The following NCOA2 variants were observed in gnomAD, a reference collection of about 807,000 sequenced individuals.
The protein encoded by NCOA2 is nuclear receptor coactivator 2.
A neutral mutation model predicts 145.1 loss-of-function variants in NCOA2; 21 were observed. The observed-to-expected ratio is 0.14, with a 90% CI of 0.10 to 0.21. The LOEUF is 0.21. NCOA2 is among the 10% of genes least tolerant of loss of function. The pLI, the probability that NCOA2 is intolerant of heterozygous loss-of-function variation, is 1.00. For missense variants in NCOA2, 1,472 were observed against 1,837.6 expected (o/e 0.80, Z 3.64); for synonymous variants, 619 against 637.5 (o/e 0.97, Z 0.44).
intron 1 of NCOA2, among the ~76,000 whole-genome samples, chr8:70,377,062 G>GT (rs921582255): frequency 2.4e-5 from 3 of 125,526 alleles, no homozygotes; most frequent in African/African-American, 1.4e-4. Flanking sequence ...CTTATACGTT[G>GT]TGTTTTTTTT....
At chr8:70,442,340 TC>T in the NCOA2 span, among the ~76,000 whole-genome samples, 2 of 152,170 alleles carry the variant, frequency 1.3e-5, no homozygotes, top group Non-Finnish European at 2.9e-5. Context: ...TTTACCAACT[TC>T]CTCAGGTTAT....
intron 4 of NCOA2, among the ~76,000 whole-genome samples, chr8:70,185,458 A>T (rs1815958843): frequency 6.6e-6 from 1 of 152,196 alleles, no homozygotes; most frequent in South Asian, 2.1e-4. Context: ...GGCTCTGGCC[A>T]AGCAATGAAG....
chr8:70,445,613 C>T, the NCOA2 span, among the ~76,000 whole-genome samples: 1 of 152,172 alleles, frequency 6.6e-6, no homozygotes, highest in Non-Finnish European at 1.5e-5. Context: ...CGCCTCTGGC[C>T]TCTCCACACT....
intron 1 of NCOA2, among the ~76,000 whole-genome samples, chr8:70,391,209 C>T (rs1364238145): frequency 2.6e-5 from 4 of 152,060 alleles, no homozygotes; most frequent in Admixed American, 2.0e-4. Context: ...ACTATTGCTC[C>T]GAAAAGCTCC....
At chr8:70,436,276 G>C in the NCOA2 span, among the ~76,000 whole-genome samples, 1 of 152,122 alleles carries the variant, frequency 6.6e-6, no homozygotes, top group Non-Finnish European at 1.5e-5. Flanking sequence ...TTGGTAGACT[G>C]TTCAACTAAA....
chr8:70,202,193 T>C lies in NCOA2; in HGVS notation c.259+11710A>G, dbSNP rs374328079. Among the ~76,000 whole-genome samples the C allele has an allele frequency of 5.3e-5, 8 of 152,110 alleles. No homozygotes were observed. In the East Asian group the frequency reaches 1.5e-3, roughly 29 times the overall value. On this transcript the variant is annotated intron_variant, in intron 4 of 22. Transcript: ENST00000452400. ...CAAAACCACCCCCAGAGAGTAAGTG[T>C]TGGTGAGAGTATGGGAAAATGGAAA...
intron 2 of NCOA2, among the ~76,000 whole-genome samples, chr8:70,226,539 G>T (rs1442666520): frequency 6.6e-6 from 1 of 151,816 alleles, no homozygotes; most frequent in Non-Finnish European, 1.5e-5. Flanking sequence ...TCATTTTACT[G>T]GTATTAGCAA....
At chr8:70,279,588 G>A (rs1825725275) in intron 2 of NCOA2, among the ~76,000 whole-genome samples, 1 of 152,204 alleles carries the variant, frequency 6.6e-6, no homozygotes, top group South Asian at 2.1e-4. Context: ...TTCATGATGA[G>A]ACTAATATCC....
At chr8:70,338,493 G>A (rs534723079) in intron 1 of NCOA2, among the ~76,000 whole-genome samples, 2 of 152,090 alleles carry the variant, frequency 1.3e-5, no homozygotes, top group Non-Finnish European at 2.9e-5. Flanking sequence ...ATTCACAGCT[G>A]AATTCTATCA....
In NCOA2 at chr8:70,131,830, C is replaced by T. The variant is rs1302177747; in HGVS notation, c.3324+7G>A. 12 of 1,580,394 alleles carry T rather than the reference C, an allele frequency of 7.6e-6. No homozygotes were observed. The highest frequency in any genetic ancestry group is 7.3e-5 in the Admixed American group (4 of 55,102). On this transcript the variant is annotated splice_region_variant and intron_variant, in intron 16 of 22. Transcript: ENST00000452400. Reference sequence around the variant, plus strand: ...TTGGCCCCCACCTGCTGCCCTTCCGCGCATACCTGGCTGACCAGTTCGGGT... The same window carrying T: ...TTGGCCCCCACCTGCTGCCCTTCCGTGCATACCTGGCTGACCAGTTCGGGT...
chr8:70,265,849 T>A (rs1433019859), intron 2 of NCOA2, among the ~76,000 whole-genome samples: 1 of 152,140 alleles, frequency 6.6e-6, no homozygotes, highest in Non-Finnish European at 1.5e-5. Flanking sequence ...TTTGTTTTTT[T>A]AAAGAGACAG....
At chr8:70,211,750 G>A (rs530735821) in intron 4 of NCOA2, among the ~76,000 whole-genome samples, 4 of 152,180 alleles carry the variant, frequency 2.6e-5, no homozygotes, top group African/African-American at 4.8e-5. Context: ...AAGACTATTC[G>A]GAAAATATCA....
At chr8:70,437,862 A>G in the NCOA2 span, among the ~76,000 whole-genome samples, 1 of 152,216 alleles carries the variant, frequency 6.6e-6, no homozygotes, top group Non-Finnish European at 1.5e-5. Flanking sequence ...TACATGTAAC[A>G]GTTGTATTTT....
chr8:70,146,677 G>GAATT (rs1376672757), intron 12 of NCOA2, among the ~76,000 whole-genome samples: 1 of 151,872 alleles, frequency 6.6e-6, no homozygotes, highest in African/African-American at 2.4e-5. Context: ...TAGGGCTAAT[G>GAATT]AGCATGGACT....
At chr8:70,344,416 C>G (rs1299257592) in intron 1 of NCOA2, among the ~76,000 whole-genome samples, 1 of 152,242 alleles carries the variant, frequency 6.6e-6, no homozygotes, top group Non-Finnish European at 1.5e-5. Context: ...CCTTCTGCCT[C>G]TCTTTCAATT....
intron 2 of NCOA2, among the ~76,000 whole-genome samples, chr8:70,266,645 T>G (rs943167630): frequency 6.6e-6 from 1 of 152,172 alleles, no homozygotes; most frequent in Non-Finnish European, 1.5e-5. Flanking sequence ...TCTCACAGTA[T>G]CTAAATTTTA....
At chr8:70,145,673 T>C (rs1414117854) in intron 12 of NCOA2, among the ~76,000 whole-genome samples, 1 of 149,936 alleles carries the variant, frequency 6.7e-6, no homozygotes, top group Non-Finnish European at 1.5e-5. Context: ...AGCTGGAGTG[T>C]AGCAGCACAA....
At chr8:70,191,973 C>G (rs1816738306) in intron 4 of NCOA2, among the ~76,000 whole-genome samples, 1 of 152,116 alleles carries the variant, frequency 6.6e-6, no homozygotes, top group Admixed American at 6.5e-5. Flanking sequence ...ACCTGGGAGG[C>G]AGAGGCTGCA....
chr8:70,310,422 G>C (rs1264968514), intron 1 of NCOA2, among the ~76,000 whole-genome samples: 1 of 150,612 alleles, frequency 6.6e-6, no homozygotes, highest in East Asian at 2.0e-4. Flanking sequence ...AGTGAAGATT[G>C]AATCAAAATC....
Sources: gnomAD v4.1 joint callset for allele counts (sites outside exome capture counted in the v4.1 genomes callset) on GRCh38, gnomAD v4.1.1 for gene constraint, MANE v1.5 for transcripts, NCBI Gene and HGNC (gene_info 2026-07-23, HGNC 2026-07-21) for gene names.